METTL24: variants seen among roughly 807,000 people sequenced by gnomAD.
METTL24 encodes methyltransferase like 24, also known as probable methyltransferase-like protein 24.
METTL24 carries 29 observed loss-of-function variants against 32.7 expected under a neutral mutation model. The ratio of observed to expected loss-of-function variants is 0.89; its 90% confidence interval spans 0.66 to 1.21. The LOEUF (loss-of-function observed/expected upper bound fraction) is 1.21. Among genes scored for constraint, METTL24 ranks in the 50% most tolerant of loss-of-function variants. The pLI is 0.00. For synonymous variants in METTL24, 163 were observed against 179.5 expected (o/e 0.91, Z 0.73); for missense variants, 439 against 468.1 (o/e 0.94, Z 0.57).
intron 4 of METTL24, among the ~76,000 whole-genome samples, chr6:110,295,127 A>G (rs1301630595): frequency 6.7e-6 from 1 of 148,962 alleles, no homozygotes; most frequent in Admixed American, 6.8e-5. Context: ...GACTCAGTCA[A>G]TCCTCCTATG....
chr6:110,318,369 C>A (rs115021984), intron 2 of METTL24, among the ~76,000 whole-genome samples: 3 of 152,066 alleles, frequency 2.0e-5, no homozygotes, highest in African/African-American at 4.8e-5. Context: ...ACACAAGGGC[C>A]GGGCGTGGTG....
chr6:110,280,996 A>G (rs987417845), intron 4 of METTL24, among the ~76,000 whole-genome samples: 5 of 152,146 alleles, frequency 3.3e-5, no homozygotes, highest in African/African-American at 1.2e-4. Context: ...CAGCAGAATT[A>G]CAGGTGACTT....
At chr6:110,317,044 C>T (rs1771833931) in intron 2 of METTL24, among the ~76,000 whole-genome samples, 1 of 152,166 alleles carries the variant, frequency 6.6e-6, no homozygotes, top group South Asian at 2.1e-4. Flanking sequence ...TCTTGCTATC[C>T]CCTCCGGCTG....
intron 4 of METTL24, among the ~76,000 whole-genome samples, chr6:110,288,247 T>G (rs760357759): frequency 1.3e-5 from 2 of 152,126 alleles, no homozygotes; most frequent in Non-Finnish European, 2.9e-5. Flanking sequence ...GGTACACACC[T>G]TGTTACTCAA....
intron 1 of METTL24, among the ~76,000 whole-genome samples, chr6:110,334,771 T>A (rs1772180477): frequency 6.6e-6 from 1 of 152,228 alleles, no homozygotes; most frequent in Non-Finnish European, 1.5e-5. Context: ...CCATTAACTC[T>A]TTTGTCATTT....
intron 1 of METTL24, among the ~76,000 whole-genome samples, chr6:110,331,482 G>A (rs1727404603): frequency 1.3e-5 from 2 of 151,872 alleles, no homozygotes; most frequent in Non-Finnish European, 2.9e-5. Context: ...AACATGGCGA[G>A]ACCCTGTCTC....
chr6:110,303,777 G>A (rs185042721), intron 3 of METTL24, among the ~76,000 whole-genome samples: 171 of 152,346 alleles, frequency 1.1e-3, no homozygotes, highest in African/African-American at 3.6e-3. Context: ...TGGCTCCGAA[G>A]ACAGCAGTGG....
At chr6:110,352,661 G>C (rs1772629837) in intron 1 of METTL24, among the ~76,000 whole-genome samples, 1 of 151,084 alleles carries the variant, frequency 6.6e-6, no homozygotes, top group Non-Finnish European at 1.5e-5. Flanking sequence ...GAGGACCCAA[G>C]TGGTGTTTTT....
chr6:110,255,492 G>A (rs1001883702), intron 4 of METTL24, among the ~76,000 whole-genome samples: 1 of 152,068 alleles, frequency 6.6e-6, no homozygotes. Context: ...CAGCACAAAC[G>A]TAGGCAGGAC....
chr6:110,296,843 C>T (rs1771428770), intron 4 of METTL24, among the ~76,000 whole-genome samples: 2 of 152,152 alleles, frequency 1.3e-5, no homozygotes, highest in Admixed American at 1.3e-4. Context: ...ATCCTATTTA[C>T]CACTGTCTGT....
chr6:110,316,844 G>C (rs2114748858), intron 2 of METTL24, among the ~76,000 whole-genome samples: 1 of 152,112 alleles, frequency 6.6e-6, no homozygotes, highest in African/African-American at 2.4e-5. Context: ...CCATGATTGT[G>C]CCTCTACACT....
chr6:110,309,915 T>C (rs889066342), intron 3 of METTL24, among the ~76,000 whole-genome samples: 9 of 152,210 alleles, frequency 5.9e-5, no homozygotes, highest in Admixed American at 5.9e-4. Context: ...CTTTCCTCTT[T>C]TTATGTATGA....
intron 1 of METTL24, 34 bp from the exon 2 acceptor site, chr6:110,322,906 G>C: frequency 7.0e-7 from 1 of 1,431,454 alleles, no homozygotes; most frequent in Non-Finnish European, 9.2e-7. Flanking sequence ...TTGTGTGTAA[G>C]GAAGAGGAAC....
At chr6:110,269,676 T>G (rs1398372613) in intron 4 of METTL24, among the ~76,000 whole-genome samples, 1 of 152,220 alleles carries the variant, frequency 6.6e-6, no homozygotes, top group East Asian at 1.9e-4. Flanking sequence ...TTGTTTTTCA[T>G]GTTTCATAAC....
At chr6:110,279,138 C>T (rs978264980) in intron 4 of METTL24, among the ~76,000 whole-genome samples, 2 of 152,236 alleles carry the variant, frequency 1.3e-5, no homozygotes, top group Non-Finnish European at 2.9e-5. Context: ...TAGTTCATCT[C>T]AATGCATCCA....
chr6:110,254,805 G>A (rs1455603698), intron 4 of METTL24, among the ~76,000 whole-genome samples: 1 of 152,008 alleles, frequency 6.6e-6, no homozygotes, highest in East Asian at 1.9e-4. Flanking sequence ...TTAGTCTACT[G>A]GTGAAAAGTT....
At chr6:110,341,420 A>G (rs2114771524) in intron 1 of METTL24, among the ~76,000 whole-genome samples, 1 of 152,340 alleles carries the variant, frequency 6.6e-6, no homozygotes, top group East Asian at 1.9e-4. Context: ...CTAAGTGCAC[A>G]TTAGTTAAAT....
At chr6:110,273,890 T>C (rs143878340) in intron 4 of METTL24, among the ~76,000 whole-genome samples, 201 of 152,246 alleles carry the variant, frequency 1.3e-3, no homozygotes, top group African/African-American at 4.5e-3. Flanking sequence ...CCCAAAGGAA[T>C]AGAAGTTATT....
intron 1 of METTL24, among the ~76,000 whole-genome samples, chr6:110,338,029 C>A (rs1370988934): frequency 6.6e-6 from 1 of 152,168 alleles, no homozygotes; most frequent in Non-Finnish European, 1.5e-5. Context: ...GACATTTTTA[C>A]ACTGATTTAA....
Sources: allele counts gnomAD v4.1 joint callset (sites outside exome capture counted in the v4.1 genomes callset), GRCh38; gene constraint gnomAD v4.1.1; transcripts MANE v1.5; gene names NCBI Gene and HGNC (gene_info 2026-07-23, HGNC 2026-07-21).